Variants in BMPR1A observed in about 807,000 individuals in gnomAD.
BMPR1A encodes bone morphogenetic protein receptor type-1A.
BMPR1A carries 7 observed loss-of-function variants against 66.0 expected under a neutral mutation model. That is an observed-to-expected ratio of 0.11 (90% CI 0.06 to 0.20). BMPR1A has a LOEUF of 0.20. BMPR1A is among the 10% of genes least tolerant of loss of function. The probability of loss-of-function intolerance (pLI) is 1.00; values close to 1 mark genes in which losing one functional copy is unlikely to be tolerated. For missense variants in BMPR1A, 408 were observed against 669.1 expected (o/e 0.61, Z 4.31); for synonymous variants, 200 against 229.7 (o/e 0.87, Z 1.17).
intron 1 of BMPR1A, among the ~76,000 whole-genome samples, chr10:86,757,466 C>G (rs1232568658): frequency 6.6e-6 from 1 of 152,150 alleles, no homozygotes; most frequent in Non-Finnish European, 1.5e-5. Flanking sequence ...TTCCGTACTT[C>G]AGTTTTGGAA....
At chr10:86,801,896 A>G (rs968222028) in intron 1 of BMPR1A, among the ~76,000 whole-genome samples, 2 of 151,980 alleles carry the variant, frequency 1.3e-5, no homozygotes, top group Non-Finnish European at 2.9e-5. Context: ...GTACTTTTTT[A>G]GTAGAGACGG....
intron 7 of BMPR1A, among the ~76,000 whole-genome samples, chr10:86,911,174 AAATT>A (rs1843477218): frequency 6.6e-6 from 1 of 151,562 alleles, no homozygotes; most frequent in Non-Finnish European, 1.5e-5. Context: ...AAAAAAAAAA[AAATT>A]AAACCTTGAG....
Position 86,866,403 on chromosome 10 carries a change from T to TTTTTTTTTC in BMPR1A, c.-152-9456_-152-9455insCTTTTTTTT, listed in dbSNP as rs1554885978. On this transcript the variant is annotated intron_variant, in intron 2 of 12. Transcript: ENST00000372037. Reference sequence around the variant, plus strand: ...TTAAGTTGGGCAAGTTTCTTTCTTTTTTTTTTTTTTTTTTTTTTTTTTTGA... The same window carrying TTTTTTTTTC: ...TTAAGTTGGGCAAGTTTCTTTCTTTTTTTTTTTTCTTTTTTTTTTTTTTTTTTTTTTTGA... 3.2e-4 allele frequency among the ~76,000 whole-genome samples: 28 copies of TTTTTTTTTC among 87,522 alleles called. No homozygotes were observed. The East Asian group carries it at 0.01, about 32-fold the overall frequency. 57.4% of individuals were successfully genotyped at this position (87,522 alleles called of 152,430 possible).
intron 3 of BMPR1A, among the ~76,000 whole-genome samples, chr10:86,880,714 A>C (rs1036924659): frequency 6.6e-6 from 1 of 152,254 alleles, no homozygotes; most frequent in African/African-American, 2.4e-5. Context: ...TTCACTAAGG[A>C]TCTAGAACTC....
chr10:86,814,750 T>G (rs1658442713), intron 1 of BMPR1A, among the ~76,000 whole-genome samples: 1 of 152,114 alleles, frequency 6.6e-6, no homozygotes, highest in South Asian at 2.1e-4. Context: ...GGATGTTGTT[T>G]TGTTGTTTTG....
intron 11 of BMPR1A, 30 bp downstream of exon 11, chr10:86,921,725 T>A (rs780243921): frequency 6.2e-7 from 1 of 1,614,046 alleles, no homozygotes; most frequent in East Asian, 2.2e-5. Context: ...CTGATTATGT[T>A]GATTTACTCA....
intron 2 of BMPR1A, among the ~76,000 whole-genome samples, chr10:86,863,704 T>A (rs1564706664): frequency 6.6e-6 from 1 of 152,156 alleles, no homozygotes; most frequent in Non-Finnish European, 1.5e-5. Context: ...AGTGACTTTG[T>A]CACTGCAGGG....
Position 86,870,780 on chromosome 10 carries a change from CT to C in BMPR1A, c.-152-5076del, listed in dbSNP as rs945593412. Among the ~76,000 whole-genome samples the C allele has an allele frequency of 7.0e-4, 103 of 146,988 alleles. 1 individual carries two copies. Among genetic ancestry groups the C allele is most frequent in the African/African-American group, 1.6e-3 (63 of 40,316 alleles). ...TCCACTATACCACTGCCACCCTATT[CT>C]TTTTTTTTTTAATTCATCCATCTGC... On this transcript the variant is annotated intron_variant, in intron 2 of 12. Transcript: ENST00000372037.
chr10:86,919,970 C>T (rs559976676), intron 10 of BMPR1A, among the ~76,000 whole-genome samples: 2 of 152,208 alleles, frequency 1.3e-5, no homozygotes, highest in South Asian at 4.1e-4. Flanking sequence ...GCTGGGATTA[C>T]AGGTGTGTGC....
intron 1 of BMPR1A, among the ~76,000 whole-genome samples, chr10:86,783,379 A>G (rs1841465597): frequency 6.6e-6 from 1 of 152,190 alleles, no homozygotes; most frequent in Non-Finnish European, 1.5e-5. Flanking sequence ...CTCATTTTGC[A>G]AAAAATGACA....
At chr10:86,932,151 T>A (rs1843817906), downstream of BMPR1A, 1 of 152,248 alleles carries the variant, frequency 6.6e-6, no homozygotes. Flanking sequence ...TCTTGTAATG[T>A]TTGTAATGTC....
chr10:86,900,853 G>T (rs1843298499), intron 7 of BMPR1A, among the ~76,000 whole-genome samples: 1 of 152,180 alleles, frequency 6.6e-6, no homozygotes, highest in African/African-American at 2.4e-5. Flanking sequence ...AGATGGGGTC[G>T]AGAGGAGAGC....
intron 1 of BMPR1A, among the ~76,000 whole-genome samples, chr10:86,837,738 A>G (rs1204869718): frequency 2.6e-5 from 4 of 152,206 alleles, no homozygotes; most frequent in Non-Finnish European, 4.4e-5. Flanking sequence ...GTAGGTAACT[A>G]GTGCATTGAG....
At chr10:86,791,763 A>G (rs992247269) in intron 1 of BMPR1A, among the ~76,000 whole-genome samples, 2 of 110,278 alleles carry the variant, frequency 1.8e-5, no homozygotes, top group Non-Finnish European at 3.4e-5. Flanking sequence ...TCTGTTGCCC[A>G]GGCTGGAGTG....
intron 3 of BMPR1A, among the ~76,000 whole-genome samples, chr10:86,883,899 G>T (rs1412691265): frequency 6.9e-6 from 1 of 145,830 alleles, no homozygotes; most frequent in South Asian, 2.2e-4. Context: ...TATTTGAGAC[G>T]AGTCTTGCTC....
chr10:86,758,691 C>G (rs1320326072), intron 1 of BMPR1A, among the ~76,000 whole-genome samples: 1 of 152,234 alleles, frequency 6.6e-6, no homozygotes, highest in Non-Finnish European at 1.5e-5. Flanking sequence ...CAATCCATCT[C>G]TAGAGATTGC....
At chr10:86,785,165 A>G (rs750348165) in intron 1 of BMPR1A, among the ~76,000 whole-genome samples, 6 of 152,228 alleles carry the variant, frequency 3.9e-5, no homozygotes, top group African/African-American at 7.2e-5. Context: ...CATTGTGGTC[A>G]GAAAAGATAC....
intron 10 of BMPR1A, among the ~76,000 whole-genome samples, chr10:86,921,087 C>T (rs1306258057): frequency 6.6e-6 from 1 of 152,110 alleles, no homozygotes; most frequent in East Asian, 1.9e-4. Context: ...CACCTGACCT[C>T]AGGTGATGCG....
At chr10:86,794,268 T>C (rs1353962078) in intron 1 of BMPR1A, among the ~76,000 whole-genome samples, 2 of 152,200 alleles carry the variant, frequency 1.3e-5, no homozygotes. Context: ...CAGTTGTGGT[T>C]AGAGGTGAGG....
Sources: allele counts gnomAD v4.1 joint callset (sites outside exome capture counted in the v4.1 genomes callset), GRCh38; gene constraint gnomAD v4.1.1; transcripts MANE v1.5; gene names NCBI Gene and HGNC (gene_info 2026-07-23, HGNC 2026-07-21).